The following ADGRB3 variants were observed in gnomAD, a reference collection of about 807,000 sequenced individuals.
ADGRB3 encodes the protein brain-specific angiogenesis inhibitor 3.
ADGRB3 carries 37 observed loss-of-function variants against 193.4 expected under a neutral mutation model. That is an observed-to-expected ratio of 0.19 (90% CI 0.15 to 0.25). ADGRB3 has a LOEUF of 0.25. ADGRB3 is among the 10% of genes least tolerant of loss of function. ADGRB3 has a pLI of 1.00. For synonymous variants in ADGRB3, 690 were observed against 644.2 expected (o/e 1.07, Z -1.08); for missense variants, 1,637 against 1,852.9 (o/e 0.88, Z 2.14).
intron 30 of ADGRB3, among the ~76,000 whole-genome samples, chr6:69,372,910 C>T (rs532252332): frequency 2.0e-5 from 3 of 151,938 alleles, no homozygotes; most frequent in Non-Finnish European, 4.4e-5. Context: ...CTCTGCGGTA[C>T]ATTTGATGCT....
chr6:69,157,799 C>A (rs975784002), intron 17 of ADGRB3, among the ~76,000 whole-genome samples: 6 of 151,672 alleles, frequency 4.0e-5, no homozygotes, highest in African/African-American at 1.2e-4. Flanking sequence ...TGGTGGCAAC[C>A]AACTTATGAC....
intron 30 of ADGRB3, among the ~76,000 whole-genome samples, chr6:69,382,599 C>CT (rs993170574): frequency 1.9e-4 from 29 of 151,508 alleles, no homozygotes; most frequent in Admixed American, 2.6e-4. Flanking sequence ...ACAACAAAAC[C>CT]TTTTTTTTGT....
At position 68,825,264 on chromosome 6, in the gene ADGRB3, AT is replaced by A. The variant is rs1562045472; in HGVS notation, c.758-105290del. On this transcript the variant is annotated intron_variant, in intron 3 of 31. Coordinates refer to ENST00000370598, the MANE Select transcript of ADGRB3 (RefSeq NM_001704.3). Reference sequence around the variant, plus strand: ...TTGTACATATGTACTGTGTCTGCATATTTTTGCACATTTTCATCTGTGACAA... The same window carrying A: ...TTGTACATATGTACTGTGTCTGCATATTTTGCACATTTTCATCTGTGACAA... 7.9e-5 allele frequency among the ~76,000 whole-genome samples: 12 copies of A among 151,800 alleles called. No individual in the cohort carries two copies. In the South Asian group the frequency reaches 2.5e-3, roughly 32 times the overall value.
intron 26 of ADGRB3, among the ~76,000 whole-genome samples, chr6:69,352,961 A>G (rs1769258707): frequency 6.6e-6 from 1 of 152,214 alleles, no homozygotes; most frequent in African/African-American, 2.4e-5. Context: ...TTAATCCAAT[A>G]AAACAGAGTG....
chr6:68,879,463 C>T (rs1186551506), intron 3 of ADGRB3, among the ~76,000 whole-genome samples: 4 of 151,920 alleles, frequency 2.6e-5, no homozygotes, highest in Admixed American at 6.6e-5. Context: ...CTCCTGACCT[C>T]GTGATCCGCC....
chr6:69,292,857 C>T (rs963686084), intron 20 of ADGRB3, among the ~76,000 whole-genome samples: 16 of 152,056 alleles, frequency 1.1e-4, no homozygotes, highest in African/African-American at 2.2e-4. Context: ...CTCCCAATGC[C>T]ATCCCTCCCC....
chr6:68,890,877 C>A lies in ADGRB3; in HGVS notation c.758-39682C>A, dbSNP rs544703326. ...AGAGGGAGGTGGAAAGTTTAGCAGGCGAAAGAAAGATAGTATAAGCTAACT... is the reference window on the plus strand; with the variant it reads ...AGAGGGAGGTGGAAAGTTTAGCAGGAGAAAGAAAGATAGTATAAGCTAACT... On this transcript the variant is annotated intron_variant, in intron 3 of 31. Transcript: ENST00000370598. Among the ~76,000 whole-genome samples, 4 of 152,026 alleles carry A rather than the reference C, an allele frequency of 2.6e-5. No individual in the cohort carries two copies. In the South Asian group the frequency reaches 8.3e-4, roughly 32 times the overall value.
At chr6:68,864,353 T>G (rs1765234046) in intron 3 of ADGRB3, among the ~76,000 whole-genome samples, 1 of 152,238 alleles carries the variant, frequency 6.6e-6, no homozygotes, top group Admixed American at 6.5e-5. Context: ...GAACTTTCAT[T>G]TTGAGCTGAG....
intron 17 of ADGRB3, among the ~76,000 whole-genome samples, chr6:69,111,574 C>T (rs1582468823): frequency 6.6e-6 from 1 of 152,184 alleles, no homozygotes; most frequent in African/African-American, 2.4e-5. Flanking sequence ...GAATTTCTGA[C>T]TCAAGTCACT....
intron 20 of ADGRB3, among the ~76,000 whole-genome samples, chr6:69,242,692 G>T (rs960642122): frequency 1.3e-5 from 2 of 151,844 alleles, no homozygotes; most frequent in Non-Finnish European, 2.9e-5. Context: ...AACAAAGTAA[G>T]GAACCAAGTG....
chr6:69,096,095 C>A (rs923411101), intron 17 of ADGRB3, among the ~76,000 whole-genome samples: 4 of 152,124 alleles, frequency 2.6e-5, no homozygotes, highest in East Asian at 1.9e-4. Flanking sequence ...ATTTCCATTT[C>A]TTCCTGGAAC....
intron 3 of ADGRB3, among the ~76,000 whole-genome samples, chr6:68,803,027 C>A: frequency 6.6e-6 from 1 of 152,038 alleles, no homozygotes. Flanking sequence ...CTTTGTGTTT[C>A]TTGTTTTTAA....
chr6:68,688,611 A>G (rs1765021393), intron 3 of ADGRB3, among the ~76,000 whole-genome samples: 2 of 152,192 alleles, frequency 1.3e-5, no homozygotes, highest in Non-Finnish European at 1.5e-5. Context: ...TTGGAAAGAG[A>G]CAATGGTCTT....
chr6:68,702,274 A>G (rs547648917), intron 3 of ADGRB3, among the ~76,000 whole-genome samples: 3 of 152,170 alleles, frequency 2.0e-5, no homozygotes, highest in Non-Finnish European at 2.9e-5. Context: ...ACTAGATCTC[A>G]TAAGTCACTC....
At chr6:68,921,959 T>TA (rs1411998970) in intron 3 of ADGRB3, among the ~76,000 whole-genome samples, 14 of 152,108 alleles carry the variant, frequency 9.2e-5, no homozygotes, top group African/African-American at 3.4e-4. Flanking sequence ...TGTGGAATAA[T>TA]AAAATGGATG....
intron 3 of ADGRB3, among the ~76,000 whole-genome samples, chr6:68,873,623 C>T (rs1765516494): frequency 6.6e-6 from 1 of 152,036 alleles, no homozygotes; most frequent in Non-Finnish European, 1.5e-5. Context: ...TTGTTATTTT[C>T]AATGATATAA....
chr6:68,794,679 T>C (rs1019952998), intron 3 of ADGRB3, among the ~76,000 whole-genome samples: 2 of 152,150 alleles, frequency 1.3e-5, no homozygotes, highest in Admixed American at 1.3e-4. Context: ...CTTTATTCCC[T>C]TTGTAGTTTC....
At chr6:68,803,495 C>T (rs1767349127) in intron 3 of ADGRB3, among the ~76,000 whole-genome samples, 1 of 152,088 alleles carries the variant, frequency 6.6e-6, no homozygotes, top group South Asian at 2.1e-4. Flanking sequence ...CTCCAGCTTT[C>T]CTCTCCCACA....
chr6:68,877,626 G>A (rs1331988405), intron 3 of ADGRB3, among the ~76,000 whole-genome samples: 1 of 152,024 alleles, frequency 6.6e-6, no homozygotes, highest in Non-Finnish European at 1.5e-5. Context: ...GGGCTAATTA[G>A]ACATATCTGA....
Sources: gnomAD v4.1 joint callset for allele counts (sites outside exome capture counted in the v4.1 genomes callset) on GRCh38, gnomAD v4.1.1 for gene constraint, MANE v1.5 for transcripts, NCBI Gene and HGNC (gene_info 2026-07-23, HGNC 2026-07-21) for gene names.